The following ANO3 variants were observed in gnomAD, a reference collection of about 807,000 sequenced individuals.
ANO3 encodes anoctamin 3.
Under a neutral mutation model 144.8 loss-of-function variants are expected in ANO3, and 99 were observed. The ratio of observed to expected loss-of-function variants is 0.68; its 90% CI spans 0.58 to 0.81. The LOEUF (loss-of-function observed/expected upper bound fraction) is 0.81, where lower values mean the gene tolerates loss of function less well. Among genes scored for constraint, ANO3 ranks in the 30% least tolerant of loss-of-function variants. The pLI is 0.00. For missense variants in ANO3, 905 were observed against 1,202.2 expected, an observed-to-expected ratio of 0.75 and a Z score of 3.66; for synonymous variants, 414 against 392.6, an observed-to-expected ratio of 1.05 and a Z score of -0.64.
intron 4 of ANO3, among the ~76,000 whole-genome samples, chr11:26,476,903 A>ATG (rs61676196): frequency 0.22 from 31,174 of 140,890 alleles, 3,555 homozygotes; most frequent in East Asian, 0.48. Flanking sequence ...GTGTGTGTGT[A>ATG]TGTGTGTGTG....
At chr11:26,300,855 C>CTTTT (rs376885670) in intron 1 of ANO3, among the ~76,000 whole-genome samples, 3 of 129,074 alleles carry the variant, frequency 2.3e-5, no homozygotes, top group African/African-American at 9.3e-5. Context: ...TCTTTTTTTT[C>CTTTT]TTTTTTTTTT....
intron 3 of ANO3, among the ~76,000 whole-genome samples, chr11:26,449,850 G>A (rs922559214): frequency 8.6e-5 from 13 of 151,938 alleles, no homozygotes; most frequent in African/African-American, 3.1e-4. Flanking sequence ...TCTGCCTCGG[G>A]TTCAAGCAAT....
chr11:26,471,648 A>G (rs775406908), intron 4 of ANO3, among the ~76,000 whole-genome samples: 1 of 151,512 alleles, frequency 6.6e-6, no homozygotes, highest in Non-Finnish European at 1.5e-5. Context: ...TAGAGCTGCA[A>G]TATGTCTATA....
chr11:26,308,251 C>T (rs1383797308), upstream of ANO3, among the ~76,000 whole-genome samples: 1 of 152,186 alleles, frequency 6.6e-6, no homozygotes, highest in Non-Finnish European at 1.5e-5. Flanking sequence ...AGATGCACAT[C>T]TCCTAATAAT....
At chr11:26,279,616 CTG>C (rs1054496330) in intron 1 of ANO3, among the ~76,000 whole-genome samples, 3 of 152,132 alleles carry the variant, frequency 2.0e-5, no homozygotes, top group African/African-American at 7.2e-5. Flanking sequence ...TTGCACATTT[CTG>C]TGAGCTCTGT....
At chr11:26,325,756 G>C (rs1279278161) in intron 1 of ANO3, among the ~76,000 whole-genome samples, 2 of 152,014 alleles carry the variant, frequency 1.3e-5, no homozygotes, top group African/African-American at 2.4e-5. Flanking sequence ...TTTTCCTTTA[G>C]AGGGGAAAAA....
chr11:26,446,092 A>G (rs963695539), intron 3 of ANO3, among the ~76,000 whole-genome samples: 2 of 152,198 alleles, frequency 1.3e-5, no homozygotes, highest in Non-Finnish European at 1.5e-5. Flanking sequence ...TTGGCCTACC[A>G]AAGTGCTGGG....
chr11:26,595,460 G>GTTGTTTTTTTTTTTTTTTTT (rs1301892343), intron 14 of ANO3, among the ~76,000 whole-genome samples: 1 of 101,384 alleles, frequency 9.9e-6, no homozygotes, highest in African/African-American at 4.2e-5. Flanking sequence ...AGATAGAGTT[G>GTTGTTTTTTTTTTTTTTTTT]TTTTTTTTTT....
intron 3 of ANO3, among the ~76,000 whole-genome samples, chr11:26,453,349 G>C (rs950306726): frequency 4.3e-4 from 65 of 151,812 alleles, no homozygotes; most frequent in African/African-American, 1.5e-3. Flanking sequence ...CACGTGCAGA[G>C]ACACACATAG....
chr11:26,566,051 T>A (rs1253607566), intron 14 of ANO3, among the ~76,000 whole-genome samples: 1 of 151,978 alleles, frequency 6.6e-6, no homozygotes, highest in East Asian at 1.9e-4. Context: ...GATTATGTAC[T>A]TAAATTAGTG....
chr11:26,650,733 T>G lies in ANO3; in HGVS notation c.2576+2877T>G, dbSNP rs555728790. Among the ~76,000 whole-genome samples the G allele has an allele frequency of 1.7e-4, 26 of 152,314 alleles. No homozygotes were observed. In the South Asian group the frequency reaches 3.7e-3, roughly 22 times the overall value. ...ATAGATGCCTTTTAAATATTCTATG[T>G]GACAAAATAGGAAGTGTGCATAAAC... On this transcript the variant is annotated intron_variant, in intron 24 of 26. Transcript: ENST00000256737.
At chr11:26,336,516 T>C (rs141019549) in intron 1 of ANO3, among the ~76,000 whole-genome samples, 72 of 152,356 alleles carry the variant, frequency 4.7e-4, no homozygotes, top group African/African-American at 1.6e-3. Context: ...TTTCTTTCTC[T>C]TTTTCTTTAA....
intron 4 of ANO3, among the ~76,000 whole-genome samples, chr11:26,471,851 C>T (rs1772916313): frequency 6.6e-6 from 1 of 151,844 alleles, no homozygotes; most frequent in South Asian, 2.1e-4. Flanking sequence ...GTTTTCTCTC[C>T]CCTGACACTA....
chr11:26,563,395 C>CTCTCTGTG (rs371195680), intron 14 of ANO3: 1 of 538,882 alleles, frequency 1.9e-6, no homozygotes, highest in African/African-American at 2.0e-5. Context: ...GTTTCTCTCT[C>CTCTCTGTG]TGTGTGTGTG....
intron 4 of ANO3, among the ~76,000 whole-genome samples, chr11:26,480,845 A>C (rs1860187514): frequency 6.6e-6 from 1 of 152,080 alleles, no homozygotes; most frequent in Admixed American, 6.6e-5. Flanking sequence ...AAATAAAATA[A>C]TTGAGCAAAT....
At chr11:26,538,254 T>C (rs958976978) in intron 10 of ANO3, among the ~76,000 whole-genome samples, 1 of 152,180 alleles carries the variant, frequency 6.6e-6, no homozygotes, top group African/African-American at 2.4e-5. Flanking sequence ...TAACTCTGTT[T>C]TGTATATAGG....
chr11:26,201,139 C>A lies in ANO3; in HGVS notation c.154+11809C>A, dbSNP rs543884990. Among the ~76,000 whole-genome samples, 16 of 152,266 alleles carry A rather than the reference C, an allele frequency of 1.1e-4. No homozygotes were observed. In the South Asian group the frequency reaches 3.1e-3, roughly 30 times the overall value. Reference sequence around the variant, plus strand: ...CACCAAAAGTCACATATATAAGCACCATGTGCCCACAGCACAAGCTTAACA... The same window carrying A: ...CACCAAAAGTCACATATATAAGCACAATGTGCCCACAGCACAAGCTTAACA... On this transcript the variant is annotated intron_variant, in intron 1 of 27. Transcript: ENST00000672621.
chr11:26,616,534 A>T (rs1852267724), intron 17 of ANO3, among the ~76,000 whole-genome samples: 1 of 151,864 alleles, frequency 6.6e-6, no homozygotes, highest in Non-Finnish European at 1.5e-5. Flanking sequence ...TTTTGAAGAC[A>T]GGCAAAGGAA....
chr11:26,531,146 A>C, intron 7 of ANO3, 59 bp from the exon 8 acceptor site: 1 of 1,586,964 alleles, frequency 6.3e-7, no homozygotes, highest in Non-Finnish European at 8.6e-7. Flanking sequence ...TTGTAGTGGA[A>C]GGTAGTCATG....
Sources: gnomAD v4.1 joint callset for allele counts (sites outside exome capture counted in the v4.1 genomes callset) on GRCh38, gnomAD v4.1.1 for gene constraint, MANE v1.5 for transcripts, NCBI Gene and HGNC (gene_info 2026-07-23, HGNC 2026-07-21) for gene names.